VWA3B: variants seen among roughly 807,000 people sequenced by gnomAD.
VWA3B encodes von Willebrand factor A domain-containing protein 3B.
A neutral mutation model predicts 158.3 loss-of-function variants in VWA3B; 138 were observed. That is an observed-to-expected ratio of 0.87 (90% CI 0.76 to 1.00). VWA3B has a LOEUF of 1.00. Ranked by LOEUF, VWA3B falls within the 50% of genes least tolerant of loss-of-function variation. The probability of loss-of-function intolerance (pLI) is 0.00; values close to 1 mark genes in which losing one functional copy is unlikely to be tolerated. For synonymous variants in VWA3B, 596 were observed against 587.3 expected, an observed-to-expected ratio of 1.01 and a Z score of -0.21; for missense variants, 1,555 against 1,565.1, an observed-to-expected ratio of 0.99 and a Z score of 0.11.
chr2:98,287,767 C>T (rs1384840283), intron 22 of VWA3B, among the ~76,000 whole-genome samples: 2 of 152,130 alleles, frequency 1.3e-5, no homozygotes, highest in Non-Finnish European at 2.9e-5. Flanking sequence ...TATAACTGAG[C>T]TGGTCTTTGA....
chr2:98,181,014 A>G lies in VWA3B; in HGVS notation c.1115-2A>G. ...AATGGCTGACAAGCTGTGATTCTAC[A>G]GAGTCAGAAACAACCTCTGTTGAGA... On this transcript the variant is annotated splice_acceptor_variant, in intron 8 of 27. Coordinates refer to ENST00000477737, the MANE Select transcript of VWA3B (RefSeq NM_144992.5). LOFTEE classifies it high-confidence loss of function. 6.2e-7 allele frequency: 1 copy of G among 1,613,860 alleles called. No individual in the cohort carries two copies. Among genetic ancestry groups the G allele is most frequent in the Non-Finnish European group, 8.5e-7 (1 of 1,179,734 alleles).
At chr2:98,296,490 T>C (rs1054088313) in intron 23 of VWA3B, among the ~76,000 whole-genome samples, 5 of 152,248 alleles carry the variant, frequency 3.3e-5, no homozygotes, top group Admixed American at 6.5e-5. Flanking sequence ...AATGGTAAGC[T>C]GGCTTGAGTG....
intron 23 of VWA3B, among the ~76,000 whole-genome samples, chr2:98,296,361 A>G (rs1268109748): frequency 1.3e-5 from 2 of 152,176 alleles, no homozygotes; most frequent in East Asian, 1.9e-4. Context: ...TTATTTCTAA[A>G]AGGTAGTATT....
At chr2:98,260,375 A>G (rs796104785) in intron 21 of VWA3B, among the ~76,000 whole-genome samples, 27 of 151,908 alleles carry the variant, frequency 1.8e-4, no homozygotes, top group African/African-American at 6.3e-4. Context: ...ATCTGCATCC[A>G]TGATTCAGCC....
chr2:98,154,718 C>T (rs941961598), intron 7 of VWA3B, among the ~76,000 whole-genome samples: 1 of 152,226 alleles, frequency 6.6e-6, no homozygotes, highest in African/African-American at 2.4e-5. Context: ...TCACCTAACA[C>T]ACGGGGCAGA....
chr2:98,260,389 C>T (rs1187718659), intron 21 of VWA3B, among the ~76,000 whole-genome samples: 3 of 151,170 alleles, frequency 2.0e-5, no homozygotes, highest in Admixed American at 6.6e-5. Flanking sequence ...TTCAGCCAAC[C>T]ATGCATAAAA....
intron 22 of VWA3B, among the ~76,000 whole-genome samples, chr2:98,281,299 T>C (rs896305702): frequency 2.6e-5 from 4 of 152,186 alleles, no homozygotes; most frequent in African/African-American, 9.7e-5. Context: ...AGTTTGCAAA[T>C]GTCCCGGTCT....
chr2:98,300,550 C>T (rs1276579684), intron 25 of VWA3B, among the ~76,000 whole-genome samples: 1 of 152,214 alleles, frequency 6.6e-6, no homozygotes, highest in Non-Finnish European at 1.5e-5. Flanking sequence ...CCTCCTCCTC[C>T]TCCTCCGCCT....
At chr2:98,117,148 T>C (rs1460843408) in intron 3 of VWA3B, among the ~76,000 whole-genome samples, 8 of 152,184 alleles carry the variant, frequency 5.3e-5, no homozygotes, top group African/African-American at 1.9e-4. Flanking sequence ...GCTGAGGAGC[T>C]AGTGTGATTG....
intron 26 of VWA3B, among the ~76,000 whole-genome samples, chr2:98,305,286 C>T (rs1182818776): frequency 2.0e-5 from 3 of 152,208 alleles, no homozygotes; most frequent in Non-Finnish European, 4.4e-5. Flanking sequence ...AGTCAGACTC[C>T]GAGAGTGGGC....
At chr2:98,290,876 C>A (rs764287085) in intron 23 of VWA3B, 2 of 390,438 alleles carry the variant, frequency 5.1e-6, no homozygotes, top group Non-Finnish European at 9.3e-6. Context: ...ATTTTTATTA[C>A]CCATTTACTG....
chr2:98,310,134 C>T (rs1016693643), intron 26 of VWA3B, among the ~76,000 whole-genome samples: 4 of 152,288 alleles, frequency 2.6e-5, no homozygotes, highest in East Asian at 1.9e-4. Flanking sequence ...GACCCCCCAC[C>T]GGGTCTTCAT....
chr2:98,091,794 A>G (rs762156811), intron 1 of VWA3B, among the ~76,000 whole-genome samples: 4 of 152,212 alleles, frequency 2.6e-5, no homozygotes, highest in Non-Finnish European at 5.9e-5. Flanking sequence ...ACCTATTTTC[A>G]TTGTTAAAAA....
At chr2:98,135,490 T>C (rs374381641) in intron 7 of VWA3B, among the ~76,000 whole-genome samples, 91 of 150,100 alleles carry the variant, frequency 6.1e-4, no homozygotes, top group African/African-American at 2.0e-3. Flanking sequence ...CGCCCGCCAC[T>C]ACGCCCGGCT....
At chr2:98,179,098 TG>T in intron 8 of VWA3B, 1 of 405,622 alleles carries the variant, frequency 2.5e-6, no homozygotes, top group South Asian at 1.9e-5. Flanking sequence ...ACTCCCACCA[TG>T]GTCTCTTTCA....
At chr2:98,089,054 A>G (rs1263996363) in intron 1 of VWA3B, among the ~76,000 whole-genome samples, 1 of 152,120 alleles carries the variant, frequency 6.6e-6, no homozygotes, top group African/African-American at 2.4e-5. Flanking sequence ...AGGGGGCATT[A>G]CAGGAGTGAG....
At position 98,282,201 on chromosome 2, in the gene VWA3B, A is replaced by G. The variant is rs533016242; in HGVS notation, c.3046-8310A>G. Among the ~76,000 whole-genome samples the G allele has an allele frequency of 8.1e-4, 124 of 152,208 alleles. 3 individuals are homozygous for G. The highest frequency in any genetic ancestry group is 2.2e-4 in the Non-Finnish European group (15 of 68,006). ...AGCTGCCCTGGGGAGATGTCTTTTC[A>G]TCCTGGGAAGCCTATGTTCTGTTTC... On this transcript the variant is annotated intron_variant, in intron 22 of 27. Transcript: ENST00000477737.
At chr2:98,139,272 C>T (rs996096471) in intron 7 of VWA3B, among the ~76,000 whole-genome samples, 43 of 152,216 alleles carry the variant, frequency 2.8e-4, no homozygotes, top group African/African-American at 1.0e-3. Context: ...GCCCGCCATA[C>T]CTGAGCCTTC....
Position 98,236,674 on chromosome 2 carries a change from A to G in VWA3B, c.2617A>G (p.Ser873Gly). 6.2e-7 allele frequency: 1 copy of G among 1,614,244 alleles called. No individual in the cohort carries two copies. ...CTTGTCAGTGGCAGCAGTCCCGCAC[A>G]GCTCCACCTATGTTCCCGTCCTGGA... The part of the protein sequence containing the change: ...DALSVAAVPH[S>G]STYVPVLDKH... Residue 873 changes from serine to glycine, a missense_variant, in exon 19 of 28, where the codon AGC (serine) becomes GGC (glycine). By Grantham distance (56) the Ser-to-Gly change is moderately conservative. Transcript: ENST00000477737.
Sources: gnomAD v4.1 joint callset for allele counts (sites outside exome capture counted in the v4.1 genomes callset) on GRCh38, gnomAD v4.1.1 for gene constraint, MANE v1.5 for transcripts, NCBI Gene and HGNC (gene_info 2026-07-23, HGNC 2026-07-21) for gene names.